DLGAP1: variants seen among roughly 807,000 people sequenced by gnomAD.
DLGAP1 encodes the protein DLG associated protein 1.
DLGAP1 carries 11 observed loss-of-function variants against 90.8 expected under a neutral mutation model. The ratio of observed to expected loss-of-function variants is 0.12; its 90% confidence interval spans 0.08 to 0.20. The LOEUF is 0.20. DLGAP1 is among the 10% of genes least tolerant of loss of function. The probability of loss-of-function intolerance (pLI) is 1.00; values close to 1 mark genes in which losing one functional copy is unlikely to be tolerated. For synonymous variants in DLGAP1, 558 were observed against 540.7 expected (o/e 1.03, Z -0.44); for missense variants, 1,050 against 1,333.8 (o/e 0.79, Z 3.31).
In DLGAP1 at chr18:3,879,447, G is replaced by C; in HGVS notation, c.622C>G (p.Leu208Val). Residue 208 changes from leucine (L) to valine (V), a missense_variant, in exon 4 of 13, where the codon CTG becomes GTG. Physicochemically the swap from Leu to Val is conservative, Grantham distance 32. Around this residue, in one of 2 missense-constraint regions of DLGAP1, gnomAD observed 485 missense variants for 454.1 expected, o/e 1.07. Transcript: ENST00000315677. This position sits in a 1 kb window ranked among gnomAD's most constrained non-coding sequence, Gnocchi z 6.6. ...TGGTAGATGCACATGTCACCATCCA[G>C]GTTGTCGTCCGAGCTCCACCAGCCC... ...SPGWWSSDDN[L>V]DGDMCIYHAP... 3.1e-6 allele frequency: 5 copies of C among 1,607,990 alleles called. No individual in the cohort carries two copies. The South Asian group carries it at 5.5e-5, about 18-fold the overall frequency.
intron 7 of DLGAP1, among the ~76,000 whole-genome samples, chr18:3,666,901 C>T (rs74678793): frequency 0.1 from 15,502 of 151,834 alleles, 1,468 homozygotes; most frequent in African/African-American, 0.25. Context: ...CAACTACAGG[C>T]GCCCACCACT....
At chr18:4,188,238 T>C (rs556211540) in intron 1 of DLGAP1, among the ~76,000 whole-genome samples, 14 of 152,314 alleles carry the variant, frequency 9.2e-5, no homozygotes, top group African/African-American at 3.1e-4. Flanking sequence ...TATTTGATAA[T>C]TCAGTCGTTC....
chr18:3,944,556 C>T (rs1171707380), intron 3 of DLGAP1, among the ~76,000 whole-genome samples: 2 of 152,070 alleles, frequency 1.3e-5, no homozygotes, highest in African/African-American at 4.8e-5. Context: ...TTATTTCTAA[C>T]ACTGACTCTC....
chr18:4,057,093 GGC>G (rs2075231795), intron 2 of DLGAP1, among the ~76,000 whole-genome samples: 1 of 147,638 alleles, frequency 6.8e-6, no homozygotes, highest in Non-Finnish European at 1.5e-5. Context: ...ACATGAGCAG[GGC>G]AGGAGAGGGG....
At chr18:4,040,348 G>C (rs2074956215) in intron 2 of DLGAP1, among the ~76,000 whole-genome samples, 1 of 152,138 alleles carries the variant, frequency 6.6e-6, no homozygotes, top group Non-Finnish European at 1.5e-5. Context: ...TATAATTCTA[G>C]TCATTATAAA....
chr18:3,733,325 G>A (rs377180926), intron 6 of DLGAP1, among the ~76,000 whole-genome samples: 44 of 152,102 alleles, frequency 2.9e-4, no homozygotes, highest in African/African-American at 7.2e-4. Context: ...TGATTTTTCT[G>A]CTTTATGATG....
chr18:3,601,629 G>C (rs991405832), intron 7 of DLGAP1, among the ~76,000 whole-genome samples: 2 of 151,878 alleles, frequency 1.3e-5, no homozygotes, highest in Non-Finnish European at 2.9e-5. Flanking sequence ...AATCGTTTGA[G>C]GTCGGGAATT....
At chr18:3,589,349 G>A (rs764597469) in intron 7 of DLGAP1, among the ~76,000 whole-genome samples, 16 of 152,210 alleles carry the variant, frequency 1.1e-4, no homozygotes, top group Non-Finnish European at 1.9e-4. Context: ...AGTGTCAGGC[G>A]GCCACAAAAC....
chr18:4,214,519 G>A (rs2144914379), intron 1 of DLGAP1, among the ~76,000 whole-genome samples: 1 of 152,260 alleles, frequency 6.6e-6, no homozygotes, highest in South Asian at 2.1e-4. Flanking sequence ...TGTTGGAGCT[G>A]GGGTGGAGGC....
intron 1 of DLGAP1, among the ~76,000 whole-genome samples, chr18:4,225,002 C>A (rs190739554): frequency 3.3e-5 from 5 of 152,044 alleles, no homozygotes; most frequent in Non-Finnish European, 7.4e-5. Context: ...CACACCCCCC[C>A]ACACACACAT....
chr18:3,585,952 G>C (rs895384995), intron 7 of DLGAP1, among the ~76,000 whole-genome samples: 2 of 152,168 alleles, frequency 1.3e-5, no homozygotes, highest in African/African-American at 4.8e-5. Flanking sequence ...CTGACCTTGG[G>C]GACTGAGCCT....
chr18:3,668,267 T>C (rs1299961452), intron 7 of DLGAP1, among the ~76,000 whole-genome samples: 1 of 152,156 alleles, frequency 6.6e-6, no homozygotes, highest in African/African-American at 2.4e-5. Context: ...ACACTGAACT[T>C]AAGAGGGTAA....
At chr18:4,106,811 T>A (rs997565964) in intron 2 of DLGAP1, among the ~76,000 whole-genome samples, 2 of 152,190 alleles carry the variant, frequency 1.3e-5, no homozygotes, top group Non-Finnish European at 2.9e-5. Context: ...ATGTGTCCAG[T>A]GTCAAGACAT....
chr18:3,578,303 C>A (rs2055275250), intron 8 of DLGAP1, among the ~76,000 whole-genome samples: 1 of 151,760 alleles, frequency 6.6e-6, no homozygotes, highest in South Asian at 2.1e-4. Context: ...ATTTTGGGAA[C>A]TTGCATTTAA....
At chr18:3,702,987 A>G (rs1483450574) in intron 7 of DLGAP1, among the ~76,000 whole-genome samples, 1 of 152,224 alleles carries the variant, frequency 6.6e-6, no homozygotes, top group Non-Finnish European at 1.5e-5. Flanking sequence ...GACAAAGGCA[A>G]GCAAGGGTCT....
intron 1 of DLGAP1, among the ~76,000 whole-genome samples, chr18:4,372,386 G>A (rs2081934486): frequency 6.6e-6 from 1 of 152,216 alleles, no homozygotes; most frequent in Non-Finnish European, 1.5e-5. Flanking sequence ...CTTGTGAGGG[G>A]TTCAGTTGAG....
chr18:3,811,119 T>C (rs992447295), intron 5 of DLGAP1, among the ~76,000 whole-genome samples: 2 of 152,194 alleles, frequency 1.3e-5, no homozygotes, highest in African/African-American at 4.8e-5. Flanking sequence ...CTGGTTAAAC[T>C]AGAGGTCACT....
At chr18:4,271,468 A>G (rs1278596609) in intron 1 of DLGAP1, among the ~76,000 whole-genome samples, 1 of 152,212 alleles carries the variant, frequency 6.6e-6, no homozygotes, top group Non-Finnish European at 1.5e-5. Context: ...GAATACTGCA[A>G]ATAAGAAAAA....
chr18:3,727,092 T>C lies in DLGAP1; in HGVS notation c.1591+2043A>G, dbSNP rs1343476171. 6.6e-6 allele frequency among the ~76,000 whole-genome samples: 1 copy of C among 152,196 alleles called. No individual in the cohort carries two copies. Among genetic ancestry groups the C allele is most frequent in the Non-Finnish European group, 1.5e-5 (1 of 68,038 alleles). On this transcript the variant is annotated intron_variant, in intron 7 of 12. Coordinates refer to ENST00000315677, the MANE Select transcript of DLGAP1 (RefSeq NM_004746.4). The surrounding 1 kb of genome is among the most constrained non-coding windows in gnomAD (Gnocchi z 4.7). The stretch of plus-strand genomic sequence containing the variant: ...AGAAAAATACTACAAACATGACAAA[T>C]AGTTCTGTAGTATAAGTGTTTCTCA...
Sources: gnomAD v4.1 joint callset for allele counts (sites outside exome capture counted in the v4.1 genomes callset) on GRCh38, gnomAD v4.1.1 for gene constraint, gnomAD v4.1.1 regional missense constraint, Gnocchi (gnomAD v3.1) non-coding constraint, MANE v1.5 for transcripts, NCBI Gene and HGNC (gene_info 2026-07-23, HGNC 2026-07-21) for gene names.